The following HDAC9 variants were observed in gnomAD, a reference collection of about 807,000 sequenced individuals.
The protein encoded by HDAC9 is histone deacetylase 9.
HDAC9 carries 41 observed loss-of-function variants against 139.4 expected under a neutral mutation model. That is an observed-to-expected ratio of 0.29 (90% CI 0.23 to 0.38). The LOEUF (loss-of-function observed/expected upper bound fraction) is 0.38. Ranked by LOEUF, HDAC9 falls within the 10% of genes least tolerant of loss-of-function variation. HDAC9 has a pLI of 1.00. For missense variants in HDAC9, 1,147 were observed against 1,297.0 expected, an observed-to-expected ratio of 0.88 and a Z score of 1.78; for synonymous variants, 517 against 476.2, an observed-to-expected ratio of 1.09 and a Z score of -1.12.
At chr7:18,401,558 A>G (rs951984861) in intron 1 of HDAC9, among the ~76,000 whole-genome samples, 10 of 152,222 alleles carry the variant, frequency 6.6e-5, no homozygotes, top group African/African-American at 2.4e-4. Context: ...GGTATTCATG[A>G]TGGAGAATAA....
At chr7:18,928,600 A>T (rs1057091035) in intron 22 of HDAC9, among the ~76,000 whole-genome samples, 4 of 152,230 alleles carry the variant, frequency 2.6e-5, no homozygotes, top group African/African-American at 9.6e-5. Flanking sequence ...ATCTAAAAAC[A>T]GAATTGCTTG....
At chr7:18,836,083 T>A (rs533131317) in intron 21 of HDAC9, 86 bp downstream of exon 21, 535 of 709,832 alleles carry the variant, frequency 7.5e-4, no homozygotes, top group Non-Finnish European at 1.2e-3. Flanking sequence ...GAAATGTAAA[T>A]GTCTAATTAA....
chr7:18,727,250 T>G (rs1785621631), intron 12 of HDAC9, among the ~76,000 whole-genome samples: 1 of 152,196 alleles, frequency 6.6e-6, no homozygotes, highest in African/African-American at 2.4e-5. Flanking sequence ...AAAACGTTGG[T>G]ATCTAGGTAG....
intron 5 of HDAC9, among the ~76,000 whole-genome samples, chr7:18,593,583 T>G (rs1277409331): frequency 6.6e-6 from 1 of 152,150 alleles, no homozygotes; most frequent in Non-Finnish European, 1.5e-5. Context: ...GATGATGACT[T>G]TTCCCCTAGG....
chr7:18,638,369 A>C (rs1185073588), intron 8 of HDAC9, among the ~76,000 whole-genome samples: 1 of 152,084 alleles, frequency 6.6e-6, no homozygotes, highest in Non-Finnish European at 1.5e-5. Context: ...AATTTAGATA[A>C]AGGGAAGACA....
At chr7:18,833,732 A>T (rs1796023815) in intron 19 of HDAC9, among the ~76,000 whole-genome samples, 1 of 152,142 alleles carries the variant, frequency 6.6e-6, no homozygotes, top group Admixed American at 6.6e-5. Flanking sequence ...TATGTGCCCC[A>T]ACATTATGAT....
chr7:18,687,304 C>T (rs916426801), intron 12 of HDAC9, among the ~76,000 whole-genome samples: 5 of 151,768 alleles, frequency 3.3e-5, no homozygotes, highest in African/African-American at 9.7e-5. Context: ...AATAAATCTT[C>T]TACTCAATGC....
At chr7:18,935,755 T>G in intron 22 of HDAC9, 54 bp from the exon 23 acceptor site, 3 of 1,524,644 alleles carry the variant, frequency 2.0e-6, no homozygotes, top group East Asian at 2.3e-5. Context: ...TAGATTCTAG[T>G]GATCACTTTC....
At chr7:18,981,208 A>G (rs1784928774) in intron 25 of HDAC9, among the ~76,000 whole-genome samples, 1 of 152,144 alleles carries the variant, frequency 6.6e-6, no homozygotes, top group South Asian at 2.1e-4. Context: ...CTATACCTTT[A>G]GCTGTTCATA....
At chr7:18,962,323 C>G (rs1278590610) in intron 24 of HDAC9, among the ~76,000 whole-genome samples, 1 of 152,158 alleles carries the variant, frequency 6.6e-6, no homozygotes, top group Admixed American at 6.5e-5. Context: ...ACCCTGCCAA[C>G]CCTCGCTTGT....
intron 12 of HDAC9, among the ~76,000 whole-genome samples, chr7:18,707,883 G>A (rs757206773): frequency 8.2e-4 from 124 of 151,450 alleles, no homozygotes; most frequent in Non-Finnish European, 1.2e-3. Context: ...GTGTATGCAC[G>A]TGCATACATG....
intron 1 of HDAC9, among the ~76,000 whole-genome samples, chr7:18,464,203 A>T (rs1794080238): frequency 6.6e-6 from 1 of 151,830 alleles, no homozygotes; most frequent in African/African-American, 2.4e-5. Flanking sequence ...ATTCATTTCA[A>T]ACTTTCTATA....
chr7:18,660,926 A>G (rs1036280376), intron 11 of HDAC9, among the ~76,000 whole-genome samples: 2 of 152,134 alleles, frequency 1.3e-5, no homozygotes, highest in Non-Finnish European at 2.9e-5. Flanking sequence ...ATTTTATTAT[A>G]AGCATAATAG....
intron 6 of HDAC9, among the ~76,000 whole-genome samples, chr7:18,613,703 G>T (rs1335971319): frequency 6.6e-6 from 1 of 152,040 alleles, no homozygotes; most frequent in Non-Finnish European, 1.5e-5. Context: ...TAGTTATTAT[G>T]CTAGGTTATG....
chr7:18,381,729 C>T (rs1312316498), intron 1 of HDAC9, among the ~76,000 whole-genome samples: 1 of 151,874 alleles, frequency 6.6e-6, no homozygotes, highest in Non-Finnish European at 1.5e-5. Flanking sequence ...TTAGAGACAA[C>T]TTTAACAGAG....
At chr7:18,890,620 C>T (rs528545031) in intron 22 of HDAC9, among the ~76,000 whole-genome samples, 1 of 152,244 alleles carries the variant, frequency 6.6e-6, no homozygotes, top group Middle Eastern at 3.4e-3. Context: ...TTATGCTGCT[C>T]AAGATAAATA....
rs1783325839 is a variant in HDAC9, at chr7:18,958,693, A to G, written c.3022+4463A>G. Among the ~76,000 whole-genome samples, 4 of 152,180 alleles carry G rather than the reference A, an allele frequency of 2.6e-5. No individual in the cohort carries two copies. In the South Asian group the frequency reaches 8.3e-4, roughly 31 times the overall value. ...CAAATGTGTGTTGAATGAATGAATC[A>G]GCTAGTCTGTCAATGTTTGCCACAT... On this transcript the variant is annotated intron_variant, in intron 24 of 25. Transcript: ENST00000686413.
intron 1 of HDAC9, among the ~76,000 whole-genome samples, chr7:18,345,792 C>T (rs1469268554): frequency 6.6e-6 from 1 of 151,814 alleles, no homozygotes; most frequent in Admixed American, 6.6e-5. Context: ...GCTGCCTATA[C>T]CTTCATTCAG....
chr7:18,226,261 T>C (rs1793047305), intron 2 of HDAC9, among the ~76,000 whole-genome samples: 1 of 152,278 alleles, frequency 6.6e-6, no homozygotes, highest in African/African-American at 2.4e-5. Context: ...ATAATCTTTC[T>C]AATATTAAAC....
Sources: gnomAD v4.1 joint callset for allele counts (sites outside exome capture counted in the v4.1 genomes callset) on GRCh38, gnomAD v4.1.1 for gene constraint, MANE v1.5 for transcripts, NCBI Gene and HGNC (gene_info 2026-07-23, HGNC 2026-07-21) for gene names.